The following VAV2 variants were observed in gnomAD, a reference collection of about 807,000 sequenced individuals.
VAV2 encodes vav guanine nucleotide exchange factor 2.
VAV2 carries 67 observed loss-of-function variants against 132.5 expected under a neutral mutation model. The observed-to-expected ratio is 0.51, with a 90% CI of 0.42 to 0.62. The LOEUF (loss-of-function observed/expected upper bound fraction) is 0.62, where lower values mean the gene tolerates loss of function less well. Ranked by LOEUF, VAV2 falls within the 20% of genes least tolerant of loss-of-function variation. VAV2 has a pLI of 0.00. For synonymous variants in VAV2, 492 were observed against 443.5 expected (o/e 1.11, Z -1.37); for missense variants, 938 against 1,153.6 (o/e 0.81, Z 2.71).
At chr9:133,968,522 G>A (rs76770441) in intron 1 of VAV2, among the ~76,000 whole-genome samples, 7 of 152,096 alleles carry the variant, frequency 4.6e-5, no homozygotes, top group Admixed American at 2.6e-4. Flanking sequence ...AGAGAAACGC[G>A]CTCGGGGCCA....
chr9:133,769,630 G>T lies in VAV2; in HGVS notation c.2348-127C>A. The stretch of plus-strand genomic sequence containing the variant: ...CTTTGGCAGGAGAGGCCCTACAGGG[G>T]GGCAAAGGAGGCAGGGGGCAGCACG... On this transcript the variant is annotated intron_variant, in intron 27 of 29. Transcript: ENST00000371850. This position sits in a 1 kb window ranked among gnomAD's most constrained non-coding sequence, Gnocchi z 8.1. 1.0e-6 allele frequency: 1 copy of T among 982,026 alleles called. No homozygotes were observed. Among genetic ancestry groups the T allele is most frequent in the South Asian group, 1.7e-5 (1 of 60,524 alleles). The allele number at this position is 982,026 out of a possible 1,614,324, so 60.8% of individuals were successfully genotyped here.
rs751553211 is a variant in VAV2, at chr9:133,773,520, ACTT to A, written c.2135+1412_2135+1414del. On this transcript the variant is annotated intron_variant, in intron 25 of 29. Coordinates refer to ENST00000371850, the MANE Select transcript of VAV2 (RefSeq NM_001134398.2). ...CTTCAATCGTAAATTAACTTTATAA[ACTT>A]CTTAATTTTTGTTAACTTTTTGAAG... Among the ~76,000 whole-genome samples the A allele has an allele frequency of 3.9e-5, 6 of 152,210 alleles. No individual in the cohort carries two copies. In the East Asian group the frequency reaches 1.2e-3, roughly 29 times the overall value.
intron 2 of VAV2, among the ~76,000 whole-genome samples, chr9:133,893,275 G>A (rs1209569705): frequency 6.6e-6 from 1 of 152,222 alleles, no homozygotes; most frequent in Non-Finnish European, 1.5e-5. Context: ...GCAGGGTGGA[G>A]GGTGGAGAGG....
intron 12 of VAV2, among the ~76,000 whole-genome samples, chr9:133,792,185 G>T (rs1238987432): frequency 1.3e-5 from 2 of 149,912 alleles, no homozygotes; most frequent in African/African-American, 2.5e-5. Flanking sequence ...GCTGTACTGG[G>T]TGGGGTGTGT....
At chr9:133,894,065 C>G (rs144655279) in intron 2 of VAV2, among the ~76,000 whole-genome samples, 2 of 152,230 alleles carry the variant, frequency 1.3e-5, no homozygotes, top group Admixed American at 1.3e-4. Context: ...AGAATCCATC[C>G]CCCACTCCCC....
chr9:133,796,884 C>T (rs1040791082), intron 10 of VAV2, among the ~76,000 whole-genome samples: 3 of 152,242 alleles, frequency 2.0e-5, no homozygotes, highest in Non-Finnish European at 4.4e-5. Flanking sequence ...GGGCAGCAGG[C>T]CATCCCCCAT....
At chr9:133,856,617 G>A (rs1213178412) in intron 3 of VAV2, among the ~76,000 whole-genome samples, 1 of 152,194 alleles carries the variant, frequency 6.6e-6, no homozygotes, top group Non-Finnish European at 1.5e-5. Context: ...AGAGTTGGTG[G>A]CTTCAAGCAA....
chr9:133,947,437 C>T (rs1258653333), intron 1 of VAV2, among the ~76,000 whole-genome samples: 3 of 152,142 alleles, frequency 2.0e-5, no homozygotes, highest in South Asian at 2.1e-4. Context: ...CGGTGGCTGA[C>T]GCCTATAATC....
At chr9:133,770,280 T>G in intron 27 of VAV2, 98 bp downstream of exon 27, 2 of 1,562,104 alleles carry the variant, frequency 1.3e-6, no homozygotes, top group Non-Finnish European at 1.7e-6. Flanking sequence ...GTGGGACTCC[T>G]GGTCTGGGTC....
chr9:133,803,968 G>A (rs183092692), intron 9 of VAV2, among the ~76,000 whole-genome samples: 1 of 152,134 alleles, frequency 6.6e-6, no homozygotes, highest in East Asian at 1.9e-4. Flanking sequence ...CACGTCCTCC[G>A]CTGTGCAGCC....
intron 2 of VAV2, among the ~76,000 whole-genome samples, chr9:133,923,581 G>A (rs1840370014): frequency 6.6e-6 from 1 of 152,200 alleles, no homozygotes; most frequent in South Asian, 2.1e-4. Context: ...GGAAGACTGT[G>A]GCGATTCCTC....
At position 133,762,198 on chromosome 9, in the gene VAV2, G is replaced by A. The variant is rs546576987; in HGVS notation, c.*1864C>T. ...AACCAAACACAAATCTCAAAACAAA[G>A]AAACACAAAACAAAAAAATTCACAA... On this transcript the variant is annotated 3_prime_UTR_variant, in exon 30 of 30. Transcript: ENST00000371850. This position sits in a 1 kb window ranked among gnomAD's most constrained non-coding sequence, Gnocchi z 5.0. The A allele has an allele frequency of 6.6e-6, 1 of 152,520 alleles. No individual in the cohort carries two copies. Among genetic ancestry groups the A allele is most frequent in the East Asian group, 1.9e-4 (1 of 5,172 alleles). The allele number at this position is 152,520 out of a possible 1,614,324, so 9.4% of individuals were successfully genotyped here.
chr9:133,804,623 C>T lies in VAV2; in HGVS notation c.836+1458G>A, dbSNP rs1406824701. On this transcript the variant is annotated intron_variant, in intron 9 of 29. Coordinates refer to ENST00000371850, the MANE Select transcript of VAV2 (RefSeq NM_001134398.2). This position sits in a 1 kb window ranked among gnomAD's most constrained non-coding sequence, Gnocchi z 4.5. ...ACCTCGAAGCAAACCACGCCTCATC[C>T]GTGGCTCCCTCCCTTCCTGGCCGAG... 1.3e-5 allele frequency among the ~76,000 whole-genome samples: 2 copies of T among 152,212 alleles called. No homozygotes were observed. The highest frequency in any genetic ancestry group is 4.8e-5 in the African/African-American group (2 of 41,442).
At chr9:133,872,140 CGGGACACTGGCCAGGGCCA>C (rs967440504) in intron 2 of VAV2, among the ~76,000 whole-genome samples, 3 of 152,160 alleles carry the variant, frequency 2.0e-5, no homozygotes, top group African/African-American at 7.2e-5. Context: ...TAGCTGTGAA[CGGGACACTGGCCAGGGCCA>C]GGGATGTGGG....
rs573435530 is a variant in VAV2 at position 133,961,609 on chromosome 9, G to T, written c.205-22390C>A. Among the ~76,000 whole-genome samples the T allele has an allele frequency of 3.9e-5, 6 of 152,330 alleles. No homozygotes were observed. Among genetic ancestry groups the T allele is most frequent in the African/African-American group, 1.4e-4 (6 of 41,578 alleles). On this transcript the variant is annotated intron_variant, in intron 1 of 29. Transcript: ENST00000371850. This position sits in a 1 kb window ranked among gnomAD's most constrained non-coding sequence, Gnocchi z 4.1. ...TGACCTCACAAAGACCCACGGGGCT[G>T]GTTTGGGAGGCCCAGCCCAGGTGCT...
intron 4 of VAV2, among the ~76,000 whole-genome samples, chr9:133,819,321 T>C (rs929658912): frequency 3.3e-5 from 5 of 150,690 alleles, no homozygotes; most frequent in African/African-American, 7.3e-5. Flanking sequence ...TGGTGGCGGG[T>C]GCCTGTAGTC....
intron 2 of VAV2, among the ~76,000 whole-genome samples, chr9:133,889,602 C>T (rs900468664): frequency 6.6e-6 from 1 of 152,178 alleles, no homozygotes; most frequent in Non-Finnish European, 1.5e-5. Flanking sequence ...AGGACCACCC[C>T]AGTCCCACAC....
chr9:133,848,213 G>A lies in VAV2; in HGVS notation c.380+13161C>T, dbSNP rs558675847. Among the ~76,000 whole-genome samples the A allele has an allele frequency of 6.8e-3, 1,011 of 149,072 alleles. 7 individuals are homozygous for A. The highest frequency in any genetic ancestry group is 0.018 in the South Asian group (85 of 4,636). ...GAGAATGGCGTGAACCCAGGAGGCG[G>A]AGCTTGCAGTGAGCCGAGATCGCGC... On this transcript the variant is annotated intron_variant, in intron 3 of 29. Transcript: ENST00000371850.
intron 4 of VAV2, among the ~76,000 whole-genome samples, chr9:133,820,572 G>A (rs371290698): frequency 9.9e-5 from 15 of 152,172 alleles, no homozygotes; most frequent in East Asian, 9.7e-4. Flanking sequence ...TGATCCGCCC[G>A]CCTCGGCCTC....
Sources: gnomAD v4.1 joint callset for allele counts (sites outside exome capture counted in the v4.1 genomes callset) on GRCh38, gnomAD v4.1.1 for gene constraint, Gnocchi (gnomAD v3.1) non-coding constraint, MANE v1.5 for transcripts, NCBI Gene and HGNC (gene_info 2026-07-23, HGNC 2026-07-21) for gene names.